The following PTPRD variants were observed in gnomAD, a reference collection of about 807,000 sequenced individuals.
PTPRD encodes protein tyrosine phosphatase receptor type D, also known as receptor-type tyrosine-protein phosphatase delta.
In PTPRD, 34 loss-of-function variants were observed where a neutral mutation model predicts 214.5. The observed-to-expected ratio is 0.16, with a 90% CI of 0.12 to 0.21. The LOEUF is 0.21. Among genes scored for constraint, PTPRD ranks in the 10% least tolerant of loss-of-function variants. The pLI, the probability that PTPRD is intolerant of heterozygous loss-of-function variation, is 1.00. For synonymous variants in PTPRD, 1,128 were observed against 845.7 expected, an observed-to-expected ratio of 1.33 and a Z score of -5.79; for missense variants, 2,545 against 2,398.7, an observed-to-expected ratio of 1.06 and a Z score of -1.27.
chr9:10,357,288 C>T (rs762591737), intron 2 of PTPRD, among the ~76,000 whole-genome samples: 1 of 152,066 alleles, frequency 6.6e-6, no homozygotes. Flanking sequence ...TTGATTTAAC[C>T]ATCACAAAAC....
chr9:9,016,824 A>G (rs2099537457), intron 11 of PTPRD, among the ~76,000 whole-genome samples: 1 of 152,130 alleles, frequency 6.6e-6, no homozygotes, highest in African/African-American at 2.4e-5. Context: ...CAGAATGACA[A>G]CTTGCTCAAA....
intron 9 of PTPRD, among the ~76,000 whole-genome samples, chr9:9,270,257 ATAAG>A (rs1227801286): frequency 7.3e-5 from 11 of 151,528 alleles, no homozygotes; most frequent in South Asian, 4.1e-4. Context: ...TATTAAATAA[ATAAG>A]TAACATTTGT....
intron 8 of PTPRD, among the ~76,000 whole-genome samples, chr9:9,505,881 G>A (rs549862408): frequency 1.3e-5 from 2 of 151,310 alleles, no homozygotes; most frequent in East Asian, 3.9e-4. Context: ...CACAACAATG[G>A]ACTACAGTGA....
At chr9:10,230,664 G>A (rs932512812) in intron 3 of PTPRD, among the ~76,000 whole-genome samples, 6 of 151,932 alleles carry the variant, frequency 3.9e-5, no homozygotes, top group Non-Finnish European at 7.4e-5. Flanking sequence ...TTTTGTGGTT[G>A]TTCTTAAAGT....
At chr9:9,585,277 G>C (rs971847768) in intron 7 of PTPRD, among the ~76,000 whole-genome samples, 2 of 152,046 alleles carry the variant, frequency 1.3e-5, no homozygotes, top group African/African-American at 4.8e-5. Context: ...TTGAGTGAAT[G>C]CAACAATCAA....
intron 11 of PTPRD, among the ~76,000 whole-genome samples, chr9:8,843,365 G>C (rs769655323): frequency 3.3e-5 from 5 of 152,164 alleles, no homozygotes; most frequent in Non-Finnish European, 7.3e-5. Flanking sequence ...TCCTGCTAGA[G>C]TCAACGAGTA....
At chr9:9,921,927 T>TC (rs2153876823) in intron 5 of PTPRD, among the ~76,000 whole-genome samples, 1 of 152,216 alleles carries the variant, frequency 6.6e-6, no homozygotes, top group Admixed American at 6.6e-5. Flanking sequence ...TATCACATAT[T>TC]CAGTAAGTGG....
chr9:8,771,609 G>C (rs2095218626), intron 11 of PTPRD, among the ~76,000 whole-genome samples: 1 of 152,142 alleles, frequency 6.6e-6, no homozygotes, highest in African/African-American at 2.4e-5. Context: ...TTGTGGAGTG[G>C]AAATAGGTAT....
chr9:8,423,823 T>A (rs72614088), intron 35 of PTPRD, among the ~76,000 whole-genome samples: 14,967 of 152,176 alleles, frequency 0.098, 1,441 homozygotes, highest in East Asian at 0.41. Flanking sequence ...CCATCTGCTT[T>A]TTTTTTCCTT....
intron 9 of PTPRD, among the ~76,000 whole-genome samples, chr9:9,366,323 T>C (rs186892873): frequency 7.9e-5 from 12 of 151,702 alleles, no homozygotes; most frequent in Middle Eastern, 3.4e-3. Flanking sequence ...CTTTGAAAAG[T>C]ATTGATTTTG....
intron 11 of PTPRD, among the ~76,000 whole-genome samples, chr9:8,932,259 G>A (rs942901897): frequency 7.9e-5 from 12 of 151,980 alleles, no homozygotes; most frequent in Admixed American, 5.3e-4. Context: ...TTAGGGTGTC[G>A]ACTTTAGATC....
chr9:10,077,130 A>G (rs1476646818), intron 3 of PTPRD, among the ~76,000 whole-genome samples: 2 of 152,160 alleles, frequency 1.3e-5, no homozygotes, highest in Non-Finnish European at 2.9e-5. Flanking sequence ...CTCCTTATAC[A>G]TAGTGCTTGA....
chr9:10,571,951 G>T (rs544312440), intron 2 of PTPRD, among the ~76,000 whole-genome samples: 1 of 152,260 alleles, frequency 6.6e-6, no homozygotes, highest in South Asian at 2.1e-4. Flanking sequence ...ACAGGTCACA[G>T]AACAGACCAG....
At chr9:10,267,153 T>C (rs1004979604) in intron 3 of PTPRD, among the ~76,000 whole-genome samples, 8 of 139,106 alleles carry the variant, frequency 5.8e-5, no homozygotes, top group Non-Finnish European at 1.2e-4. Flanking sequence ...ATCACACTAC[T>C]GCACTCCAGC....
chr9:8,805,846 T>C (rs2096666496), intron 11 of PTPRD, among the ~76,000 whole-genome samples: 2 of 150,304 alleles, frequency 1.3e-5, no homozygotes, highest in South Asian at 4.2e-4. Context: ...ATACAAAAAA[T>C]AAGCCGGGCA....
At chr9:8,491,677 A>G (rs1370393801) in intron 27 of PTPRD, among the ~76,000 whole-genome samples, 14 of 151,460 alleles carry the variant, frequency 9.2e-5, no homozygotes, top group Admixed American at 9.2e-4. Context: ...AAAAAAAAAA[A>G]AGCCCAGAAG....
intron 10 of PTPRD, among the ~76,000 whole-genome samples, chr9:9,098,693 G>A (rs1332843773): frequency 6.6e-6 from 1 of 152,028 alleles, no homozygotes; most frequent in Non-Finnish European, 1.5e-5. Flanking sequence ...TAAACTCTTG[G>A]CAACTATGTG....
At chr9:9,138,792 C>G (rs891019050) in intron 10 of PTPRD, among the ~76,000 whole-genome samples, 3 of 152,020 alleles carry the variant, frequency 2.0e-5, no homozygotes, top group Admixed American at 6.6e-5. Flanking sequence ...CATTAATAAG[C>G]ATTTTTTTGA....
At chr9:10,227,021 C>T (rs2099591143) in intron 3 of PTPRD, among the ~76,000 whole-genome samples, 1 of 151,890 alleles carries the variant, frequency 6.6e-6, no homozygotes, top group Non-Finnish European at 1.5e-5. Flanking sequence ...CAAAACTCTG[C>T]CCCATCAACA....
Sources: allele counts gnomAD v4.1 joint callset (sites outside exome capture counted in the v4.1 genomes callset), GRCh38; gene constraint gnomAD v4.1.1; transcripts MANE v1.5; gene names NCBI Gene and HGNC (gene_info 2026-07-23, HGNC 2026-07-21).